Variants in HS1BP3 observed in about 807,000 individuals in gnomAD.
HS1BP3 encodes the protein HCLS1-binding protein 3.
In HS1BP3, 32 loss-of-function variants were observed where a neutral mutation model predicts 33.5. The ratio of observed to expected loss-of-function variants is 0.95; its 90% CI spans 0.72 to 1.28. The LOEUF (loss-of-function observed/expected upper bound fraction) is 1.28. HS1BP3 is among the 50% of genes most tolerant of loss of function. The pLI, the probability that HS1BP3 is intolerant of heterozygous loss-of-function variation, is 0.00. For missense variants in HS1BP3, 486 were observed against 502.3 expected, an observed-to-expected ratio of 0.97 and a Z score of 0.31; for synonymous variants, 187 against 209.2, an observed-to-expected ratio of 0.89 and a Z score of 0.92.
At chr2:20,578,467 G>A (rs1443845599) in intron 5 of HS1BP3, among the ~76,000 whole-genome samples, 1 of 152,230 alleles carries the variant, frequency 6.6e-6, no homozygotes. Context: ...ACCATCTTTG[G>A]CCCTTGGACA....
At chr2:20,598,582 G>A (rs1183102872) in intron 2 of HS1BP3, among the ~76,000 whole-genome samples, 1 of 103,356 alleles carries the variant, frequency 9.7e-6, no homozygotes, top group African/African-American at 3.9e-5. Context: ...TTTTTGAGAC[G>A]GAGTCTCGCT....
At chr2:20,632,282 T>C (rs1456711477) in intron 4 of HS1BP3, among the ~76,000 whole-genome samples, 1 of 152,228 alleles carries the variant, frequency 6.6e-6, no homozygotes, top group African/African-American at 2.4e-5. Context: ...TAAACAACCA[T>C]TGCTGGTTCT....
Position 20,645,516 on chromosome 2 carries a change from A to G in HS1BP3, c.33-11T>C. 1 of 1,605,758 alleles carries G rather than the reference A, an allele frequency of 6.2e-7. No individual in the cohort carries two copies. The highest frequency in any genetic ancestry group is 8.5e-7 in the Non-Finnish European group (1 of 1,176,350). On this transcript the variant is annotated splice_polypyrimidine_tract_variant and intron_variant, in intron 1 of 6. Coordinates refer to ENST00000304031, the MANE Select transcript of HS1BP3 (RefSeq NM_022460.4). Reference sequence around the variant, plus strand: ...GCATTCTGAAGTCGCCTGCCAGGGGAAAAGAAGGCAGGTGGGGTTCAGGGT... The same window carrying G: ...GCATTCTGAAGTCGCCTGCCAGGGGGAAAGAAGGCAGGTGGGGTTCAGGGT...
At chr2:20,628,092 C>A (rs1262459828) in intron 4 of HS1BP3, among the ~76,000 whole-genome samples, 2 of 152,206 alleles carry the variant, frequency 1.3e-5, no homozygotes, top group African/African-American at 2.4e-5. Context: ...CTCCGAAGAT[C>A]TCCTGGCCGA....
chr2:20,556,881 A>G (rs1039550581), downstream of HS1BP3, among the ~76,000 whole-genome samples: 5 of 152,166 alleles, frequency 3.3e-5, no homozygotes. Context: ...AAAATCACCC[A>G]GATTTGTAAT....
intron 4 of HS1BP3, among the ~76,000 whole-genome samples, chr2:20,629,807 A>G (rs1558343476): frequency 2.0e-5 from 3 of 152,230 alleles, no homozygotes; most frequent in Non-Finnish European, 2.9e-5. Context: ...GCGGGCGTGC[A>G]GCATACGGGG....
At chr2:20,622,093 A>G (rs1657066177) in intron 6 of HS1BP3, 4 of 865,416 alleles carry the variant, frequency 4.6e-6, no homozygotes, top group Non-Finnish European at 6.1e-6. Context: ...AAGCCTTCTT[A>G]GCCTCGACCC....
rs1572337967 is a variant in HS1BP3, at chr2:20,619,150, A to C, written c.1016T>G (p.Val339Gly). 6.2e-7 allele frequency: 1 copy of C among 1,614,052 alleles called. No individual in the cohort carries two copies. The highest frequency in any genetic ancestry group is 8.5e-7 in the Non-Finnish European group (1 of 1,180,000). Residue 339 changes from valine (V) to glycine (G), a missense_variant, in exon 7 of 7, where the codon GTG (valine) becomes GGG (glycine). Val to Gly is a moderately radical substitution (Grantham distance 109, BLOSUM62 -3). Coordinates refer to ENST00000304031, the MANE Select transcript of HS1BP3 (RefSeq NM_022460.4). ...GGGAACAGCTGGTTTTCTGGGTATCACCGGCTTAGCTGCCACTGGTGGCTT... is the reference window on the plus strand; with the variant it reads ...GGGAACAGCTGGTTTTCTGGGTATCCCCGGCTTAGCTGCCACTGGTGGCTT... ...KPKPPVAAKPVIPRKPAVPPK... is the reference protein window; with the variant it reads ...KPKPPVAAKPGIPRKPAVPPK...
chr2:20,583,937 G>A (rs374946823), intron 5 of HS1BP3, among the ~76,000 whole-genome samples: 2 of 152,182 alleles, frequency 1.3e-5, no homozygotes, highest in African/African-American at 4.8e-5. Context: ...TTTCCTATCT[G>A]TGTCCCACGG....
chr2:20,605,267 G>A (rs936841565), intron 2 of HS1BP3, among the ~76,000 whole-genome samples: 4 of 152,044 alleles, frequency 2.6e-5, no homozygotes, highest in African/African-American at 9.7e-5. Context: ...GACACAGGTT[G>A]CACCCCCCAC....
downstream of HS1BP3, among the ~76,000 whole-genome samples, chr2:20,590,473 C>A (rs369803326): frequency 2.0e-5 from 3 of 152,222 alleles, no homozygotes; most frequent in Non-Finnish European, 4.4e-5. Context: ...CTGCCTCACC[C>A]CCTCATCCCG....
At chr2:20,639,584 A>G (rs1410378331) in intron 3 of HS1BP3, among the ~76,000 whole-genome samples, 1 of 152,210 alleles carries the variant, frequency 6.6e-6, no homozygotes, top group Admixed American at 6.5e-5. Context: ...TAATGACGAT[A>G]TCGTATTATG....
At chr2:20,615,510 C>T (rs1694405700), downstream of HS1BP3, among the ~76,000 whole-genome samples, 1 of 152,244 alleles carries the variant, frequency 6.6e-6, no homozygotes, top group Non-Finnish European at 1.5e-5. Flanking sequence ...GAGACTTCAG[C>T]TCCTTGAGGA....
At chr2:20,563,325 C>T (rs966245849) in intron 5 of HS1BP3, among the ~76,000 whole-genome samples, 1 of 152,226 alleles carries the variant, frequency 6.6e-6, no homozygotes, top group Admixed American at 6.5e-5. Flanking sequence ...GGGCCACAGG[C>T]CCTTGGTTCC....
At chr2:20,627,989 T>A (rs1694840601) in intron 4 of HS1BP3, among the ~76,000 whole-genome samples, 1 of 152,024 alleles carries the variant, frequency 6.6e-6, no homozygotes, top group South Asian at 2.1e-4. Context: ...ATCTCAGGAT[T>A]CTGTTAATCC....
intron 3 of HS1BP3, among the ~76,000 whole-genome samples, chr2:20,596,277 T>C (rs1396180715): frequency 6.6e-6 from 1 of 152,196 alleles, no homozygotes; most frequent in African/African-American, 2.4e-5. Context: ...GGATACTGCC[T>C]CCTCCAGGAA....
chr2:20,559,844 C>T (rs1692947553), downstream of HS1BP3, among the ~76,000 whole-genome samples: 2 of 152,188 alleles, frequency 1.3e-5, no homozygotes, highest in South Asian at 4.1e-4. Context: ...CCTAGGGAGG[C>T]CTGCTCTGGG....
chr2:20,577,109 C>T (rs960781539), intron 5 of HS1BP3, among the ~76,000 whole-genome samples: 4 of 152,190 alleles, frequency 2.6e-5, no homozygotes, highest in Admixed American at 2.0e-4. Context: ...GGGCTTGTCA[C>T]TGGGCCTAGA....
intron 3 of HS1BP3, among the ~76,000 whole-genome samples, chr2:20,596,177 T>A (rs1177368145): frequency 6.6e-6 from 1 of 152,204 alleles, no homozygotes; most frequent in Non-Finnish European, 1.5e-5. Context: ...ATCCCACCTC[T>A]GGGTGTACCA....
Sources: allele counts gnomAD v4.1 joint callset (sites outside exome capture counted in the v4.1 genomes callset), GRCh38; gene constraint gnomAD v4.1.1; transcripts MANE v1.5; gene names NCBI Gene and HGNC (gene_info 2026-07-23, HGNC 2026-07-21).